Variants in DDX43 observed in about 807,000 individuals in gnomAD.
DDX43 encodes the protein DEAD-box helicase 43.
In DDX43, 50 loss-of-function variants were observed where a neutral mutation model predicts 84.9. The ratio of observed to expected loss-of-function variants is 0.59; its 90% CI spans 0.47 to 0.75. The LOEUF (loss-of-function observed/expected upper bound fraction) is 0.75, where lower values mean the gene tolerates loss of function less well. DDX43 is among the 30% of genes least tolerant of loss of function. The probability of loss-of-function intolerance (pLI) is 0.00; values close to 1 mark genes in which losing one functional copy is unlikely to be tolerated. For synonymous variants in DDX43, 291 were observed against 266.3 expected (o/e 1.09, Z -0.90); for missense variants, 689 against 798.6 (o/e 0.86, Z 1.65).
At chr6:73,407,770 G>A (rs1192349840) in intron 8 of DDX43, among the ~76,000 whole-genome samples, 155 bp downstream of exon 8, 1 of 152,146 alleles carries the variant, frequency 6.6e-6, no homozygotes, top group African/African-American at 2.4e-5. Flanking sequence ...CAGAGCCTGG[G>A]TCAGGTGATG....
chr6:73,411,954 T>C (rs1769791926), intron 10 of DDX43, among the ~76,000 whole-genome samples: 1 of 152,210 alleles, frequency 6.6e-6, no homozygotes, highest in Non-Finnish European at 1.5e-5. Context: ...CGCCTTGGCC[T>C]CCCGAAGTGC....
intron 5 of DDX43, among the ~76,000 whole-genome samples, chr6:73,405,437 A>AT: frequency 6.6e-6 from 1 of 152,358 alleles, no homozygotes; most frequent in South Asian, 2.1e-4. Flanking sequence ...TCTTTGATCC[A>AT]TGAAACATTC....
chr6:73,401,737 G>A, intron 3 of DDX43, 122 bp from the exon 4 acceptor site: 1 of 901,480 alleles, frequency 1.1e-6, no homozygotes, highest in South Asian at 1.9e-5. Flanking sequence ...GGGAGGTGGA[G>A]CTTGCAGTGA....
At chr6:73,410,164 A>G (rs1769757049) in intron 10 of DDX43, among the ~76,000 whole-genome samples, 1 of 152,150 alleles carries the variant, frequency 6.6e-6, no homozygotes, top group Admixed American at 6.6e-5. Flanking sequence ...ATTTCAAGAA[A>G]AGTGAATGTA....
chr6:73,395,287 A>G, intron 1 of DDX43, 132 bp downstream of exon 1: 1 of 1,169,044 alleles, frequency 8.6e-7, no homozygotes, highest in Non-Finnish European at 1.2e-6. Flanking sequence ...TCCCAGAGCT[A>G]TTTGTAAAAC....
intron 6 of DDX43, 84 bp from the exon 7 acceptor site, chr6:73,406,280 C>G (rs955891023): frequency 2.1e-6 from 2 of 971,290 alleles, no homozygotes; most frequent in African/African-American, 3.3e-5. Flanking sequence ...CCTCGGCCTC[C>G]CAAAGTGCTG....
chr6:73,397,061 T>C (rs1161813844), intron 1 of DDX43, among the ~76,000 whole-genome samples: 1 of 152,252 alleles, frequency 6.6e-6, no homozygotes, highest in Non-Finnish European at 1.5e-5. Context: ...TTAAATTCTT[T>C]TGGATGTATA....
intron 10 of DDX43, 144 bp from the exon 11 acceptor site, chr6:73,412,061 G>C: frequency 1.6e-6 from 1 of 635,490 alleles, no homozygotes; most frequent in South Asian, 2.0e-5. Context: ...AGTAATTAGT[G>C]AATTAACTGT....
rs747072965 is a variant in DDX43 at position 73,394,912 on chromosome 6, C to T, written c.7C>T (p.His3Tyr). The T allele has an allele frequency of 5.6e-6, 9 of 1,614,030 alleles. No individual in the cohort carries two copies. Among genetic ancestry groups the T allele is most frequent in the Non-Finnish European group, 7.6e-6 (9 of 1,180,000 alleles). The change falls in exon 1 of 17, where the codon CAC (histidine) becomes TAC (tyrosine). Residue 3 changes from histidine (H) to tyrosine (Y), a missense_variant. His to Tyr is a moderately conservative substitution (Grantham distance 83, BLOSUM62 2). Coordinates refer to ENST00000370336, the MANE Select transcript of DDX43 (RefSeq NM_018665.3). ...CGCGCCCCTTCTTGGAACAATGTCC[C>T]ACCACGGAGGAGCTCCCAAGGCCTC... MSHHGGAPKASTW... is the reference protein window; with the variant it reads MSYHGGAPKASTW...
chr6:73,408,861 T>C (rs1769732781), intron 9 of DDX43, among the ~76,000 whole-genome samples: 1 of 152,228 alleles, frequency 6.6e-6, no homozygotes, highest in Non-Finnish European at 1.5e-5. Context: ...AGGCTATGGC[T>C]GTCGATTTTA....
chr6:73,399,688 T>C (rs1769531947), intron 2 of DDX43, among the ~76,000 whole-genome samples: 1 of 152,204 alleles, frequency 6.6e-6, no homozygotes, highest in African/African-American at 2.4e-5. Flanking sequence ...TGTTGATAGG[T>C]GTTACTTGTA....
intron 1 of DDX43, 47 bp from the exon 2 acceptor site, chr6:73,397,642 T>TA (rs2150787806): frequency 6.8e-7 from 1 of 1,476,498 alleles, no homozygotes; most frequent in Non-Finnish European, 9.4e-7. Flanking sequence ...ATTTTCAACT[T>TA]ACTAATTTCA....
chr6:73,408,075 G>C lies in DDX43; in HGVS notation c.1153G>C (p.Val385Leu). The change falls in exon 9 of 17, where the codon GTC becomes CTC. Residue 385 changes from valine (V) to leucine (L), a missense_variant. Val to Leu is a conservative substitution (Grantham distance 32). Around this residue, in one of 2 missense-constraint regions of DDX43, gnomAD observed 552 missense variants for 692.7 expected, o/e 0.80. Transcript: ENST00000370336. Reference sequence around the variant, plus strand: ...GAATGATCTGCAAATGAGTAACTTCGTCAATCTGAAGAATATAACCTACTT... The same window carrying C: ...GAATGATCTGCAAATGAGTAACTTCCTCAATCTGAAGAATATAACCTACTT... ...RLNDLQMSNF[V>L]NLKNITYLVL... 6.2e-7 allele frequency: 1 copy of C among 1,613,974 alleles called. No homozygotes were observed. The highest frequency in any genetic ancestry group is 8.5e-7 in the Non-Finnish European group (1 of 1,179,948).
intron 7 of DDX43, 152 bp from the exon 8 acceptor site, chr6:73,407,353 A>C: frequency 1.8e-6 from 1 of 542,944 alleles, no homozygotes; most frequent in Non-Finnish European, 3.4e-6. Flanking sequence ...TCCTGACCTC[A>C]GGTAATCCGA....
intron 11 of DDX43, 193 bp from the exon 12 acceptor site, chr6:73,413,465 T>C (rs1043981426): frequency 2.9e-5 from 13 of 450,884 alleles, no homozygotes; most frequent in Non-Finnish European, 4.7e-5. Flanking sequence ...CCAATAGTAT[T>C]TTGAGGTTAA....
Position 73,415,680 on chromosome 6 carries a change from A to G in DDX43, c.1833+96A>G, listed in dbSNP as rs868044442. On this transcript the variant is annotated intron_variant, in intron 15 of 16. Coordinates refer to ENST00000370336, the MANE Select transcript of DDX43 (RefSeq NM_018665.3). ...CTTGCTATTTATCAGGAAGCTTCAA[A>G]TAAGTTTTCATCACGTTTTGAGGGC... The G allele has an allele frequency of 7.0e-5, 59 of 844,698 alleles. No homozygotes were observed. The Middle Eastern group carries it at 3.9e-3, about 57-fold the overall frequency. The allele number at this position is 844,698 out of a possible 1,614,324, so 52.3% of individuals were successfully genotyped here. A position where few individuals can be genotyped will look rare whatever the true frequency, so the allele number is the denominator to read the frequency against.
intron 11 of DDX43, among the ~76,000 whole-genome samples, chr6:73,412,664 T>G (rs572813727): frequency 1.1e-5 from 1 of 88,828 alleles, no homozygotes; most frequent in Admixed American, 1.3e-4. Flanking sequence ...TGTGTGTGTG[T>G]GTGTGCGCGC....
intron 1 of DDX43, 22 bp downstream of exon 1, chr6:73,395,177 A>G: frequency 6.3e-7 from 1 of 1,586,666 alleles, no homozygotes; most frequent in Non-Finnish European, 8.6e-7. Context: ...AGTGGCTGGC[A>G]GGGCAGGATA....
chr6:73,395,207 C>A, intron 1 of DDX43, 52 bp downstream of exon 1: 2 of 1,533,872 alleles, frequency 1.3e-6, no homozygotes, highest in South Asian at 1.2e-5. Flanking sequence ...AGGGGCGGAG[C>A]CTGGGCGAAG....
Sources: gnomAD v4.1 joint callset for allele counts (sites outside exome capture counted in the v4.1 genomes callset) on GRCh38, gnomAD v4.1.1 for gene constraint, gnomAD v4.1.1 regional missense constraint, MANE v1.5 for transcripts, NCBI Gene and HGNC (gene_info 2026-07-23, HGNC 2026-07-21) for gene names.